The following UROS variants were observed in gnomAD, a reference collection of about 807,000 sequenced individuals.
The protein encoded by UROS is uroporphyrinogen-III synthase.
A neutral mutation model predicts 33.0 loss-of-function variants in UROS; 18 were observed. The observed-to-expected ratio is 0.55, with a 90% CI of 0.38 to 0.81. The LOEUF is 0.81. Among genes scored for constraint, UROS ranks in the 30% least tolerant of loss-of-function variants. The pLI is 0.00. For synonymous variants in UROS, 114 were observed against 121.1 expected, an observed-to-expected ratio of 0.94 and a Z score of 0.38; for missense variants, 293 against 314.9, an observed-to-expected ratio of 0.93 and a Z score of 0.53.
chr10:125,818,521 A>C (rs138666157), intron 1 of UROS, among the ~76,000 whole-genome samples: 2 of 139,878 alleles, frequency 1.4e-5, no homozygotes, highest in East Asian at 4.2e-4. Flanking sequence ...AATAATATAA[A>C]ATTAAAAGGT....
intron 1 of UROS, among the ~76,000 whole-genome samples, chr10:125,817,002 T>C (rs1782374433): frequency 6.6e-6 from 1 of 152,222 alleles, no homozygotes; most frequent in South Asian, 2.1e-4. Flanking sequence ...TAAGAGAGTC[T>C]AACAACATGG....
Position 125,789,345 on chromosome 10 carries a change from G to C in UROS, c.661-340C>G, listed in dbSNP as rs1389904426. The C allele has an allele frequency of 1.1e-4, 139 of 1,236,170 alleles. 1 individual carries two copies. In the South Asian group the frequency reaches 1.9e-3, roughly 17 times the overall value. 76.6% of individuals were successfully genotyped at this position (1,236,170 alleles called of 1,614,324 possible). A position where few individuals can be genotyped will look rare whatever the true frequency, so the allele number is the denominator to read the frequency against. ...TCTAGCTGCAGACAGTTCTTCTTCGGGTGTTGGGGGCCCTGGGTCTGATCA... is the reference window on the plus strand; with the variant it reads ...TCTAGCTGCAGACAGTTCTTCTTCGCGTGTTGGGGGCCCTGGGTCTGATCA... On this transcript the variant is annotated intron_variant, in intron 9 of 9. Coordinates refer to ENST00000368797, the MANE Select transcript of UROS (RefSeq NM_000375.3).
intron 1 of UROS, among the ~76,000 whole-genome samples, chr10:125,821,372 G>C (rs1285546376): frequency 6.6e-6 from 1 of 152,236 alleles, no homozygotes; most frequent in Non-Finnish European, 1.5e-5. Flanking sequence ...CATGCTGAAT[G>C]AAATAGTCAC....
intron 9 of UROS, among the ~76,000 whole-genome samples, chr10:125,791,257 T>C (rs1185084360): frequency 6.6e-6 from 1 of 152,130 alleles, no homozygotes; most frequent in African/African-American, 2.4e-5. Context: ...ACACTGTTAG[T>C]CATTAGGGAA....
At position 125,790,783 on chromosome 10, in the gene UROS, C is replaced by CAAA. The variant is rs368264390; in HGVS notation, c.661-1781_661-1779dup. On this transcript the variant is annotated intron_variant, in intron 9 of 9. Transcript: ENST00000368797. ...GGGCAACGAGAGCAAAACTCCATCTCAAAAAAAAAAAAAAATGTATTCAGA... is the reference window on the plus strand; with the variant it reads ...GGGCAACGAGAGCAAAACTCCATCTCAAAAAAAAAAAAAAAAAATGTATTCAGA... Among the ~76,000 whole-genome samples the CAAA allele has an allele frequency of 1.4e-3, 176 of 122,552 alleles. 2 individuals are homozygous for CAAA. The highest frequency in any genetic ancestry group is 2.0e-3 in the East Asian group (8 of 3,934). The allele number at this position is 122,552 out of a possible 152,430, so 80.4% of individuals were successfully genotyped here.
At chr10:125,802,688 G>A in intron 6 of UROS, 1 of 1,310,426 alleles carries the variant, frequency 7.6e-7, no homozygotes, top group South Asian at 1.8e-5. Flanking sequence ...ATGTCTCACA[G>A]TGCTGGCTCA....
intron 5 of UROS, among the ~76,000 whole-genome samples, chr10:125,810,550 A>T (rs924985688): frequency 6.6e-6 from 1 of 152,226 alleles, no homozygotes; most frequent in Non-Finnish European, 1.5e-5. Flanking sequence ...TGGCCCACAG[A>T]AACATTGAGA....
intron 4 of UROS, among the ~76,000 whole-genome samples, chr10:125,812,860 A>G (rs1257354036): frequency 2.0e-5 from 3 of 152,230 alleles, no homozygotes; most frequent in Admixed American, 6.5e-5. Context: ...CTTTAAATAT[A>G]GATTAAAGAA....
chr10:125,807,556 T>C, intron 5 of UROS, 69 bp from the exon 6 acceptor site: 4 of 1,269,516 alleles, frequency 3.2e-6, no homozygotes, highest in Non-Finnish European at 4.6e-6. Flanking sequence ...GCGTTATTTT[T>C]TAACGTGCAA....
At chr10:125,816,404 A>G (rs1167208515) in intron 2 of UROS, 33 bp downstream of exon 2, 3 of 1,613,474 alleles carry the variant, frequency 1.9e-6, no homozygotes, top group Non-Finnish European at 2.5e-6. Flanking sequence ...AGTAGAAAGG[A>G]CACTGTGGGA....
chr10:125,807,687 T>C (rs1352699338), intron 5 of UROS, among the ~76,000 whole-genome samples, 200 bp from the exon 6 acceptor site: 1 of 152,186 alleles, frequency 6.6e-6, no homozygotes, highest in African/African-American at 2.4e-5. Context: ...TGCACCCCAG[T>C]TGTGTAGGCT....
intron 4 of UROS, among the ~76,000 whole-genome samples, chr10:125,814,535 G>T (rs1351208661): frequency 6.6e-6 from 1 of 152,198 alleles, no homozygotes; most frequent in Non-Finnish European, 1.5e-5. Flanking sequence ...CTCCATAATT[G>T]TTAGCTAGGA....
At chr10:125,791,986 C>G (rs1850966849) in intron 9 of UROS, 1 of 151,990 alleles carries the variant, frequency 6.6e-6, no homozygotes. Flanking sequence ...GTAATCCCTA[C>G]ATTTTGGGAG....
chr10:125,816,521 G>C lies in UROS; in HGVS notation c.-22C>G, dbSNP rs1487709824. 1 of 1,614,106 alleles carries C rather than the reference G, an allele frequency of 6.2e-7. No homozygotes were observed. Among genetic ancestry groups the C allele is most frequent in the Admixed American group, 1.7e-5 (1 of 60,016 alleles). ...TCATTATTGCCTGGCAGTCCTTATAGGGCACTGCGACAGAGCAAGGAAACA... is the reference window on the plus strand; with the variant it reads ...TCATTATTGCCTGGCAGTCCTTATACGGCACTGCGACAGAGCAAGGAAACA... On this transcript the variant is annotated 5_prime_UTR_variant, in exon 2 of 10. Coordinates refer to ENST00000368797, the MANE Select transcript of UROS (RefSeq NM_000375.3).
chr10:125,805,099 C>T (rs939683901), intron 6 of UROS, among the ~76,000 whole-genome samples: 7 of 152,322 alleles, frequency 4.6e-5, no homozygotes, highest in East Asian at 1.9e-4. Flanking sequence ...AGCCGATGAA[C>T]GCACATCCAC....
In UROS at chr10:125,797,925, C is replaced by G; in HGVS notation, c.475+140G>C. On this transcript the variant is annotated intron_variant, in intron 7 of 9. Coordinates refer to ENST00000368797, the MANE Select transcript of UROS (RefSeq NM_000375.3). ...TCCACTCTTCCCATGAGCATGGTCT[C>G]TGTGTCTCCTGGCCTGGCTTATCCA... 1.3e-5 allele frequency: 12 copies of G among 912,680 alleles called. No homozygotes were observed. In the South Asian group the frequency reaches 1.5e-4, roughly 11 times the overall value. The allele number at this position is 912,680 out of a possible 1,614,324, so 56.5% of individuals were successfully genotyped here.
At chr10:125,802,445 A>G (rs974351363) in intron 6 of UROS, 1 of 986,548 alleles carries the variant, frequency 1.0e-6, no homozygotes, top group Non-Finnish European at 1.2e-6. Flanking sequence ...TTCCACAGAA[A>G]GCAACACGTT....
intron 5 of UROS, among the ~76,000 whole-genome samples, chr10:125,810,515 AG>A (rs1363823732): frequency 1.3e-5 from 2 of 152,226 alleles, no homozygotes; most frequent in Non-Finnish European, 2.9e-5. Context: ...GTTACAGAGA[AG>A]CCCACTAAAT....
intron 1 of UROS, 65 bp from the exon 2 acceptor site, chr10:125,816,590 T>C (rs920342541): frequency 2.0e-5 from 30 of 1,505,888 alleles, no homozygotes; most frequent in African/African-American, 1.6e-4. Flanking sequence ...CAATTTCCGA[T>C]GGGGACGGTA....
Sources: gnomAD v4.1 joint callset for allele counts (sites outside exome capture counted in the v4.1 genomes callset) on GRCh38, gnomAD v4.1.1 for gene constraint, MANE v1.5 for transcripts, NCBI Gene and HGNC (gene_info 2026-07-23, HGNC 2026-07-21) for gene names.